The following SORBS2 variants were observed in gnomAD, a reference collection of about 807,000 sequenced individuals.
SORBS2 encodes sorbin and SH3 domain-containing protein 2.
In SORBS2, 46 loss-of-function variants were observed where a neutral mutation model predicts 97.7. The observed-to-expected ratio is 0.47, with a 90% confidence interval of 0.37 to 0.60. The LOEUF (loss-of-function observed/expected upper bound fraction) is 0.60, where lower values mean the gene tolerates loss of function less well. Ranked by LOEUF, SORBS2 falls within the 20% of genes least tolerant of loss-of-function variation. The pLI, the probability that SORBS2 is intolerant of heterozygous loss-of-function variation, is 0.00. For synonymous variants in SORBS2, 476 were observed against 473.4 expected, an observed-to-expected ratio of 1.01 and a Z score of -0.07; for missense variants, 1,316 against 1,282.3, an observed-to-expected ratio of 1.03 and a Z score of -0.40.
chr4:185,746,872 A>G (rs566376013), intron 2 of SORBS2, among the ~76,000 whole-genome samples: 1 of 152,326 alleles, frequency 6.6e-6, no homozygotes, highest in East Asian at 1.9e-4. Context: ...AAATTCATGT[A>G]TCGAAGGACT....
chr4:185,827,123 CCATCAT>C, intron 1 of SORBS2, among the ~76,000 whole-genome samples: 1 of 82,042 alleles, frequency 1.2e-5, no homozygotes, highest in South Asian at 4.1e-4. Flanking sequence ...ATCATCATCA[CCATCAT>C]CATCATCATC....
chr4:185,633,468 G>GTTTT (rs1472011042), intron 4 of SORBS2, among the ~76,000 whole-genome samples: 3 of 147,540 alleles, frequency 2.0e-5, no homozygotes, highest in African/African-American at 7.5e-5. Flanking sequence ...CTTTTTATGT[G>GTTTT]TTGTTTTTTT....
intron 12 of SORBS2, among the ~76,000 whole-genome samples, chr4:185,605,323 C>A (rs919358937): frequency 2.0e-5 from 3 of 152,164 alleles, no homozygotes; most frequent in Admixed American, 6.5e-5. Flanking sequence ...GCTCTTTTTG[C>A]CCAGAACGGA....
chr4:185,935,562 A>G (rs374640333), intron 1 of SORBS2, among the ~76,000 whole-genome samples: 2 of 152,352 alleles, frequency 1.3e-5, no homozygotes, highest in African/African-American at 4.8e-5. Context: ...CAAAAGGCCA[A>G]CATTTTACCA....
At chr4:185,711,283 G>A (rs1173723004) in intron 2 of SORBS2, among the ~76,000 whole-genome samples, 1 of 152,072 alleles carries the variant, frequency 6.6e-6, no homozygotes, top group East Asian at 1.9e-4. Context: ...GAGCCACTAT[G>A]CCTGGCCCTG....
At chr4:185,801,668 C>A (rs775645196) in intron 1 of SORBS2, among the ~76,000 whole-genome samples, 13,070 of 43,294 alleles carry the variant, frequency 0.3, 582 homozygotes, top group Non-Finnish European at 0.31. Context: ...ACTGAATCAT[C>A]TCTCTCTCTC....
chr4:185,833,191 C>G (rs571390489), intron 1 of SORBS2, among the ~76,000 whole-genome samples: 1 of 152,322 alleles, frequency 6.6e-6, no homozygotes, highest in South Asian at 2.1e-4. Flanking sequence ...CTGACTATAA[C>G]TACCATGCAC....
chr4:185,644,968 G>T (rs2097184283), intron 4 of SORBS2, among the ~76,000 whole-genome samples: 1 of 152,160 alleles, frequency 6.6e-6, no homozygotes, highest in Admixed American at 6.5e-5. Context: ...GTCTTGCATA[G>T]ATATTAAATG....
chr4:185,924,388 G>A (rs577749358), intron 1 of SORBS2, among the ~76,000 whole-genome samples: 5 of 129,136 alleles, frequency 3.9e-5, no homozygotes, highest in African/African-American at 8.5e-5. Context: ...AGGCAGATAC[G>A]AAAAAGGGTC....
intron 2 of SORBS2, among the ~76,000 whole-genome samples, chr4:185,710,697 T>A (rs1008422997): frequency 2.0e-5 from 3 of 152,246 alleles, no homozygotes; most frequent in African/African-American, 7.2e-5. Flanking sequence ...GGAGCTCCCG[T>A]CTCATCAGTT....
intron 1 of SORBS2, among the ~76,000 whole-genome samples, chr4:185,878,035 G>A (rs1056044778): frequency 3.9e-5 from 6 of 152,154 alleles, no homozygotes; most frequent in Middle Eastern, 3.4e-3. Flanking sequence ...TTCCACGGCT[G>A]TTAAAAGCCT....
intron 1 of SORBS2, among the ~76,000 whole-genome samples, chr4:185,854,173 G>C (rs539855123): frequency 1.1e-4 from 16 of 152,304 alleles, no homozygotes; most frequent in South Asian, 4.1e-4. Flanking sequence ...GGTGAGTGAT[G>C]GGTCAGCAAG....
At chr4:185,769,396 T>C (rs757246300) in intron 2 of SORBS2, among the ~76,000 whole-genome samples, 24 of 152,246 alleles carry the variant, frequency 1.6e-4, no homozygotes, top group Non-Finnish European at 2.6e-4. Context: ...CTGGTGTTGT[T>C]TGGCATCACC....
chr4:185,601,131 A>G (rs2096252799), intron 12 of SORBS2, among the ~76,000 whole-genome samples: 1 of 152,150 alleles, frequency 6.6e-6, no homozygotes, highest in South Asian at 2.1e-4. Context: ...ATTCTCAGTA[A>G]TGATTGACCT....
At position 185,587,982 on chromosome 4, in the gene SORBS2, G is replaced by T. The variant is rs144754206; in HGVS notation, c.2954-294C>A. 2.0e-4 allele frequency: 60 copies of T among 306,928 alleles called. 4 individuals are homozygous for T. The highest frequency in any genetic ancestry group is 1.1e-3 in the African/African-American group (53 of 46,142). The allele number at this position is 306,928 out of a possible 1,614,324, so 19.0% of individuals were successfully genotyped here. A position where few individuals can be genotyped will look rare whatever the true frequency, so the allele number is the denominator to read the frequency against. ...GAAAGTCAGCCCTGCTGAGGAGGGG[G>T]GCGGAGGAGCTCAGTCACTGAGGCT... is the stretch of plus-strand genomic sequence containing the variant. On this transcript the variant is annotated intron_variant, in intron 14 of 14. Coordinates refer to ENST00000418609, the Ensembl canonical transcript of SORBS2.
At chr4:185,692,650 G>A (rs1292467229) in intron 2 of SORBS2, among the ~76,000 whole-genome samples, 3 of 151,990 alleles carry the variant, frequency 2.0e-5, no homozygotes, top group African/African-American at 7.3e-5. Context: ...TAAATATAAT[G>A]GTACTTCTCT....
intron 2 of SORBS2, among the ~76,000 whole-genome samples, chr4:185,769,930 G>T (rs1269782173): frequency 6.6e-6 from 1 of 151,824 alleles, no homozygotes; most frequent in African/African-American, 2.4e-5. Flanking sequence ...AACAATGCAG[G>T]CTTTCAGTTG....
chr4:185,604,070 T>G (rs925202470), intron 12 of SORBS2, among the ~76,000 whole-genome samples: 4 of 152,242 alleles, frequency 2.6e-5, no homozygotes, highest in Non-Finnish European at 5.9e-5. Context: ...AATGTGATGC[T>G]TCTCATGCTG....
chr4:185,928,789 G>T (rs547259377), intron 1 of SORBS2, among the ~76,000 whole-genome samples: 2 of 152,048 alleles, frequency 1.3e-5, no homozygotes, highest in Admixed American at 1.3e-4. Context: ...CTCGTGATCC[G>T]CCCACCTCGG....
Sources: gnomAD v4.1 joint callset for allele counts (sites outside exome capture counted in the v4.1 genomes callset) on GRCh38, gnomAD v4.1.1 for gene constraint, MANE v1.5 for transcripts, NCBI Gene and HGNC (gene_info 2026-07-23, HGNC 2026-07-21) for gene names.